The following RBL1 variants were observed in gnomAD, a reference collection of about 807,000 sequenced individuals.
RBL1 encodes the protein retinoblastoma-like protein 1.
A neutral mutation model predicts 123.0 loss-of-function variants in RBL1; 82 were observed. The ratio of observed to expected loss-of-function variants is 0.67; its 90% CI spans 0.56 to 0.80. The LOEUF is 0.80. Among genes scored for constraint, RBL1 ranks in the 30% least tolerant of loss-of-function variants. The pLI, the probability that RBL1 is intolerant of heterozygous loss-of-function variation, is 0.00. For missense variants in RBL1, 1,171 were observed against 1,299.6 expected (o/e 0.90, Z 1.52); for synonymous variants, 405 against 441.3 (o/e 0.92, Z 1.03).
rs542839898 is a variant in RBL1 at position 36,998,459 on chromosome 20, G to A, written c.*300C>T. 41 of 217,632 alleles carry A rather than the reference G, an allele frequency of 1.9e-4. No homozygotes were observed. The highest frequency in any genetic ancestry group is 1.7e-3 in the Middle Eastern group (1 of 572). The allele number at this position is 217,632 out of a possible 1,614,324, so 13.5% of individuals were successfully genotyped here. ...GGCTGGTCTCGAACTCCTGACCTCC[G>A]GTGATCTGCCCGCCTTGGCCTCCCA... On this transcript the variant is annotated 3_prime_UTR_variant, in exon 22 of 22. Coordinates refer to ENST00000373664, the MANE Select transcript of RBL1 (RefSeq NM_002895.5).
chr20:37,064,925 C>T (rs2065155039), intron 7 of RBL1, among the ~76,000 whole-genome samples: 2 of 151,620 alleles, frequency 1.3e-5, no homozygotes, highest in South Asian at 4.2e-4. Context: ...CATGCCCGGC[C>T]TCTTTCTTTT....
intron 14 of RBL1, among the ~76,000 whole-genome samples, chr20:37,037,344 C>T (rs558627585): frequency 6.6e-6 from 1 of 152,080 alleles, no homozygotes; most frequent in East Asian, 1.9e-4. Context: ...AAATGTAAAG[C>T]GGATCCAAAT....
At chr20:37,080,522 G>A (rs1385494664) in intron 2 of RBL1, among the ~76,000 whole-genome samples, 6 of 150,110 alleles carry the variant, frequency 4.0e-5, no homozygotes, top group Admixed American at 2.0e-4. Flanking sequence ...GCAGTGGTGC[G>A]ATCTCGGCTC....
chr20:37,006,838 C>CAAAAAAAAA (rs199689934), intron 20 of RBL1, among the ~76,000 whole-genome samples: 1 of 71,696 alleles, frequency 1.4e-5, no homozygotes, highest in Non-Finnish European at 2.8e-5. Context: ...GAGACTGTCT[C>CAAAAAAAAA]AAAAAAAAAA....
At chr20:37,019,625 G>T (rs1402103462) in intron 18 of RBL1, among the ~76,000 whole-genome samples, 1 of 152,104 alleles carries the variant, frequency 6.6e-6, no homozygotes, top group Non-Finnish European at 1.5e-5. Flanking sequence ...TCTCTTAGAA[G>T]GGGATATAAC....
intron 2 of RBL1, among the ~76,000 whole-genome samples, chr20:37,078,159 G>A (rs1317349065): frequency 2.0e-5 from 3 of 152,128 alleles, no homozygotes; most frequent in Non-Finnish European, 4.4e-5. Context: ...TCATATCCTT[G>A]TCAGAGGATC....
At chr20:37,040,632 T>C (rs6017105) in intron 13 of RBL1, among the ~76,000 whole-genome samples, 91,547 of 152,102 alleles carry the variant, frequency 0.6, 28,576 homozygotes, top group African/African-American at 0.78. Context: ...GGATTACAGG[T>C]GTGAGCCACT....
intron 2 of RBL1, among the ~76,000 whole-genome samples, chr20:37,087,541 G>T (rs1387664954): frequency 6.6e-6 from 1 of 152,024 alleles, no homozygotes; most frequent in Non-Finnish European, 1.5e-5. Flanking sequence ...GAGCTAAAAA[G>T]GTGCCACTGC....
At chr20:37,047,272 A>C in intron 11 of RBL1, 82 bp from the exon 12 acceptor site, 1 of 1,479,620 alleles carries the variant, frequency 6.8e-7, no homozygotes, top group Non-Finnish European at 9.0e-7. Context: ...TATAAAAACA[A>C]GAAAAAATAA....
chr20:37,034,661 T>G (rs946804382), intron 15 of RBL1, among the ~76,000 whole-genome samples: 7 of 151,576 alleles, frequency 4.6e-5, no homozygotes, highest in Non-Finnish European at 8.8e-5. Flanking sequence ...CCAATGTGGG[T>G]GACAGAGTGA....
At chr20:37,082,002 G>T (rs1052822991) in intron 2 of RBL1, 4 of 456,104 alleles carry the variant, frequency 8.8e-6, no homozygotes, top group African/African-American at 2.0e-5. Flanking sequence ...ATGTCAACTG[G>T]CCAGGAGACA....
chr20:37,052,667 G>A (rs959450957), intron 11 of RBL1, among the ~76,000 whole-genome samples: 1 of 152,048 alleles, frequency 6.6e-6, no homozygotes, highest in Admixed American at 6.6e-5. Flanking sequence ...GCGCCACCAC[G>A]CCTGGCTAAT....
chr20:37,019,684 T>C (rs915555822), intron 18 of RBL1, among the ~76,000 whole-genome samples: 14 of 152,214 alleles, frequency 9.2e-5, no homozygotes, highest in South Asian at 2.1e-4. Flanking sequence ...TCTAGGCCAC[T>C]ACCTCTCTCT....
At chr20:37,027,705 T>G (rs934023561) in intron 16 of RBL1, among the ~76,000 whole-genome samples, 2 of 152,242 alleles carry the variant, frequency 1.3e-5, no homozygotes, top group Non-Finnish European at 2.9e-5. Flanking sequence ...GGCATTATAA[T>G]AAGAACTGGT....
At chr20:37,031,018 C>T (rs1361521304) in intron 16 of RBL1, among the ~76,000 whole-genome samples, 3 of 151,844 alleles carry the variant, frequency 2.0e-5, no homozygotes, top group Admixed American at 2.0e-4. Flanking sequence ...TGCACTCCAG[C>T]CTGGGTGATA....
intron 15 of RBL1, among the ~76,000 whole-genome samples, chr20:37,033,466 A>T (rs1428831795): frequency 6.6e-6 from 1 of 151,594 alleles, no homozygotes; most frequent in East Asian, 1.9e-4. Context: ...TACAGGAGTG[A>T]GCTACTGTGC....
chr20:37,057,032 C>CCTACCTACCTACCTAT (rs1568864653), intron 9 of RBL1, among the ~76,000 whole-genome samples: 1 of 151,702 alleles, frequency 6.6e-6, no homozygotes, highest in Non-Finnish European at 1.5e-5. Context: ...TACCTACCTA[C>CCTACCTACCTACCTAT]CTACCTACCT....
intron 21 of RBL1, 41 bp from the exon 22 acceptor site, chr20:36,998,970 A>T (rs761384728): frequency 1.2e-5 from 19 of 1,564,532 alleles, no homozygotes; most frequent in Non-Finnish European, 1.7e-5. Flanking sequence ...AAAGAGGGAG[A>T]GGGGAAATGG....
intron 20 of RBL1, among the ~76,000 whole-genome samples, chr20:37,004,823 T>C (rs1409824743): frequency 6.6e-6 from 1 of 151,500 alleles, no homozygotes; most frequent in Non-Finnish European, 1.5e-5. Flanking sequence ...AGGCCAGGAA[T>C]TGGAGACCAG....
Sources: gnomAD v4.1 joint callset for allele counts (sites outside exome capture counted in the v4.1 genomes callset) on GRCh38, gnomAD v4.1.1 for gene constraint, MANE v1.5 for transcripts, NCBI Gene and HGNC (gene_info 2026-07-23, HGNC 2026-07-21) for gene names.